Variants in SLC25A48 observed in about 807,000 individuals in gnomAD.
SLC25A48 encodes CTC-321K16.1.
Under a neutral mutation model 32.2 loss-of-function variants are expected in SLC25A48, and 29 were observed. That is an observed-to-expected ratio of 0.90 (90% confidence interval 0.67 to 1.23). SLC25A48 has a LOEUF of 1.23. SLC25A48 is among the 50% of genes most tolerant of loss of function. SLC25A48 has a pLI of 0.00. For synonymous variants in SLC25A48, 164 were observed against 172.3 expected, an observed-to-expected ratio of 0.95 and a Z score of 0.38; for missense variants, 399 against 422.7, an observed-to-expected ratio of 0.94 and a Z score of 0.49.
At chr5:135,665,828 C>T (rs1753511350) in intron 3 of SLC25A48, among the ~76,000 whole-genome samples, 1 of 151,792 alleles carries the variant, frequency 6.6e-6, no homozygotes, top group South Asian at 2.1e-4. Context: ...TCCGTGAGGC[C>T]TCTTTGCTCC....
intron 3 of SLC25A48, among the ~76,000 whole-genome samples, chr5:135,770,720 A>G (rs1405083315): frequency 6.6e-6 from 1 of 151,588 alleles, no homozygotes; most frequent in Non-Finnish European, 1.5e-5. Context: ...CAAATATCAA[A>G]GAGGTGTATA....
At chr5:135,820,200 C>T (rs755441196) in intron 4 of SLC25A48, among the ~76,000 whole-genome samples, 29 of 152,106 alleles carry the variant, frequency 1.9e-4, no homozygotes, top group African/African-American at 4.3e-4. Flanking sequence ...AATTGTGTTA[C>T]GCCACATAAC....
chr5:135,818,335 A>C (rs1757791072), intron 4 of SLC25A48, among the ~76,000 whole-genome samples: 1 of 152,196 alleles, frequency 6.6e-6, no homozygotes, highest in African/African-American at 2.4e-5. Flanking sequence ...CTGTGAATAA[A>C]TGCCTACAAG....
At chr5:135,731,485 T>C (rs148027573) in intron 3 of SLC25A48, among the ~76,000 whole-genome samples, 2 of 152,190 alleles carry the variant, frequency 1.3e-5, no homozygotes, top group Non-Finnish European at 2.9e-5. Flanking sequence ...TAATGGGCAA[T>C]GTTTCTTGGG....
chr5:135,819,112 A>T (rs1199646924), intron 4 of SLC25A48, among the ~76,000 whole-genome samples: 1 of 152,022 alleles, frequency 6.6e-6, no homozygotes, highest in African/African-American at 2.4e-5. Flanking sequence ...AAAATCTAAC[A>T]TACATGACAT....
chr5:135,879,903 C>A, intron 6 of SLC25A48, 65 bp from the exon 7 acceptor site: 1 of 1,517,434 alleles, frequency 6.6e-7, no homozygotes. Flanking sequence ...ATTCTCTGCC[C>A]CTCCTTGGTG....
At chr5:135,617,330 A>G (rs931915355) in intron 1 of SLC25A48, among the ~76,000 whole-genome samples, 2 of 151,822 alleles carry the variant, frequency 1.3e-5, no homozygotes, top group Non-Finnish European at 2.9e-5. Context: ...GATTTTGTAT[A>G]TTGGGGTCTT....
At chr5:135,632,497 G>A (rs923614558) in intron 2 of SLC25A48, among the ~76,000 whole-genome samples, 1 of 152,154 alleles carries the variant, frequency 6.6e-6, no homozygotes. Context: ...ACAGAGGAAG[G>A]AGAAGTCTAG....
chr5:135,862,793 G>A (rs1051014558), intron 4 of SLC25A48, among the ~76,000 whole-genome samples: 1 of 152,204 alleles, frequency 6.6e-6, no homozygotes, highest in African/African-American at 2.4e-5. Context: ...GGTGGGACAA[G>A]GGAGCCTTTG....
chr5:135,781,241 C>T lies in SLC25A48; in HGVS notation c.-520-31282C>T, dbSNP rs1430935151. Among the ~76,000 whole-genome samples the T allele has an allele frequency of 1.8e-4, 21 of 115,032 alleles. 3 individuals are homozygous for T. The highest frequency in any genetic ancestry group is 5.3e-4 in the African/African-American group (20 of 37,994). 75.5% of individuals were successfully genotyped at this position (115,032 alleles called of 152,430 possible). A position where few individuals can be genotyped will look rare whatever the true frequency, so the allele number is the denominator to read the frequency against. The stretch of plus-strand genomic sequence containing the variant: ...TGTGATATTGTTTCTAATATCCAGG[C>T]GGGGGGAGTGGGTGATATTACTCCC... On this transcript the variant is annotated intron_variant, in intron 3 of 10. Coordinates refer to the SLC25A48 transcript ENST00000646290.
intron 3 of SLC25A48, among the ~76,000 whole-genome samples, chr5:135,668,756 G>A (rs1753581218): frequency 6.6e-6 from 1 of 152,156 alleles, no homozygotes; most frequent in South Asian, 2.1e-4. Flanking sequence ...GTTCTTTAGG[G>A]GCTCTGTTCC....
chr5:135,694,237 C>G (rs947317789), intron 3 of SLC25A48, among the ~76,000 whole-genome samples: 3 of 152,198 alleles, frequency 2.0e-5, no homozygotes, highest in African/African-American at 7.2e-5. Flanking sequence ...GCTGTATTAA[C>G]TATTTTTATT....
At chr5:135,830,864 T>G (rs56012354), upstream of SLC25A48, among the ~76,000 whole-genome samples, 28,812 of 152,102 alleles carry the variant, frequency 0.19, 2,893 homozygotes, top group Middle Eastern at 0.25. Context: ...CGGTGGCAGA[T>G]AGGTCAGACG....
intron 6 of SLC25A48, chr5:135,876,136 T>C (rs1201458697): frequency 9.6e-6 from 1 of 104,368 alleles, no homozygotes; most frequent in Non-Finnish European, 1.9e-5. Flanking sequence ...TTCTTCTTTT[T>C]TTTTTTTTTT....
At chr5:135,887,332 C>T (rs111808637) in intron 7 of SLC25A48, among the ~76,000 whole-genome samples, 2,743 of 152,140 alleles carry the variant, frequency 0.018, 92 homozygotes, top group African/African-American at 0.063. Flanking sequence ...GAAACTCCAC[C>T]GTATGCTTGT....
intron 3 of SLC25A48, among the ~76,000 whole-genome samples, chr5:135,794,510 T>A (rs570560651): frequency 1.7e-3 from 264 of 151,924 alleles, no homozygotes; most frequent in Admixed American, 3.7e-3. Context: ...GTGTACACCT[T>A]ACTTGTGATA....
intron 3 of SLC25A48, among the ~76,000 whole-genome samples, chr5:135,715,120 T>G (rs1413977200): frequency 6.6e-6 from 1 of 151,732 alleles, no homozygotes; most frequent in Non-Finnish European, 1.5e-5. Flanking sequence ...GCAGGGCAAA[T>G]ATGAGGAGGT....
intron 3 of SLC25A48, among the ~76,000 whole-genome samples, chr5:135,778,285 G>T (rs1356959233): frequency 6.6e-6 from 1 of 151,682 alleles, no homozygotes; most frequent in Non-Finnish European, 1.5e-5. Context: ...GTTGCAGGAG[G>T]TGTACACCCC....
intron 3 of SLC25A48, among the ~76,000 whole-genome samples, chr5:135,781,610 AT>A (rs1259558170): frequency 1.0e-4 from 12 of 116,592 alleles, no homozygotes; most frequent in African/African-American, 3.1e-4. Context: ...TATTCCTAAT[AT>A]CCCCGTGGGT....
Sources: allele counts gnomAD v4.1 joint callset (sites outside exome capture counted in the v4.1 genomes callset), GRCh38; gene constraint gnomAD v4.1.1; transcripts MANE v1.5; gene names NCBI Gene and HGNC (gene_info 2026-07-23, HGNC 2026-07-21).